Variants in ADH4 observed in about 807,000 individuals in gnomAD.
The protein encoded by ADH4 is all-trans-retinol dehydrogenase [NAD(+)] ADH4.
A neutral mutation model predicts 35.2 loss-of-function variants in ADH4; 31 were observed. That is an observed-to-expected ratio of 0.88 (90% CI 0.66 to 1.19). The LOEUF (loss-of-function observed/expected upper bound fraction) is 1.19, where lower values mean the gene tolerates loss of function less well. Among genes scored for constraint, ADH4 ranks in the 50% most tolerant of loss-of-function variants. The pLI is 0.00. For missense variants in ADH4, 476 were observed against 458.3 expected, an observed-to-expected ratio of 1.04 and a Z score of -0.35; for synonymous variants, 171 against 160.2, an observed-to-expected ratio of 1.07 and a Z score of -0.51.
intron 8 of ADH4, 24 bp downstream of exon 8, chr4:99,126,570 T>C (rs1400498287): frequency 6.4e-7 from 1 of 1,552,852 alleles, no homozygotes; most frequent in Non-Finnish European, 8.8e-7. Context: ...TTTTAAATCA[T>C]TCAGTCATCT....
chr4:99,124,407 C>A lies in ADH4; in HGVS notation c.*35G>T. The A allele has an allele frequency of 6.9e-7, 1 of 1,439,816 alleles. No individual in the cohort carries two copies. Among genetic ancestry groups the A allele is most frequent in the Non-Finnish European group, 9.7e-7 (1 of 1,035,972 alleles). 89.2% of individuals were successfully genotyped at this position (1,439,816 alleles called of 1,614,324 possible). ...TAAATTAACCAGGCAGGTTCACATT[C>A]AATCAGATAGTATTCTGAATTGCTC... On this transcript the variant is annotated 3_prime_UTR_variant, in exon 9 of 9. Coordinates refer to ENST00000265512, the MANE Select transcript of ADH4 (RefSeq NM_000670.5).
At chr4:99,124,997 A>G (rs902903924) in intron 8 of ADH4, among the ~76,000 whole-genome samples, 7 of 152,222 alleles carry the variant, frequency 4.6e-5, no homozygotes, top group African/African-American at 1.7e-4. Flanking sequence ...CCCTGCTATG[A>G]GCAGGGTGCT....
At chr4:99,133,048 T>C (rs924304400) in intron 5 of ADH4, among the ~76,000 whole-genome samples, 1 of 152,162 alleles carries the variant, frequency 6.6e-6, no homozygotes, top group African/African-American at 2.4e-5. Flanking sequence ...AATATATTGC[T>C]CCAGAGTCTC....
intron 6 of ADH4, 72 bp from the exon 7 acceptor site, chr4:99,127,416 A>G: frequency 7.9e-7 from 1 of 1,259,116 alleles, no homozygotes; most frequent in Non-Finnish European, 1.1e-6. Flanking sequence ...GGCAATGTAC[A>G]ATGCTTTAGA....
At chr4:99,127,788 C>T (rs1188064350) in intron 6 of ADH4, among the ~76,000 whole-genome samples, 1 of 150,970 alleles carries the variant, frequency 6.6e-6, no homozygotes, top group Non-Finnish European at 1.5e-5. Context: ...GCCGAGACCA[C>T]ACCACTGCAC....
chr4:99,138,922 A>G, intron 4 of ADH4, 139 bp downstream of exon 4: 2 of 575,596 alleles, frequency 3.5e-6, no homozygotes, highest in Non-Finnish European at 6.1e-6. Context: ...TGCACTTGCA[A>G]TAGTATCTTG....
chr4:99,124,747 A>G (rs1263323747), intron 8 of ADH4, among the ~76,000 whole-genome samples: 4 of 152,108 alleles, frequency 2.6e-5, no homozygotes, highest in Non-Finnish European at 2.9e-5. Context: ...AGAATGTACC[A>G]AGGAGGGAGT....
At chr4:99,125,215 T>C (rs554104398) in intron 8 of ADH4, among the ~76,000 whole-genome samples, 1 of 152,296 alleles carries the variant, frequency 6.6e-6, no homozygotes, top group African/African-American at 2.4e-5. Flanking sequence ...CCTGTGCCCA[T>C]ATGGTGGACA....
At chr4:99,137,683 T>G (rs758950944) in intron 4 of ADH4, among the ~76,000 whole-genome samples, 2 of 152,184 alleles carry the variant, frequency 1.3e-5, no homozygotes, top group Non-Finnish European at 2.9e-5. Context: ...GTAGAAGGAA[T>G]AGCATAATGA....
intron 3 of ADH4, 43 bp from the exon 4 acceptor site, chr4:99,139,191 C>A (rs1265346259): frequency 1.5e-6 from 2 of 1,294,880 alleles, no homozygotes; most frequent in Admixed American, 1.8e-5. Context: ...TAAGGTGTTA[C>A]TTATAGCTTC....
In ADH4 at chr4:99,141,678, A is replaced by G. The variant is rs1373875393; in HGVS notation, c.125T>C (p.Ile42Thr). 4 of 1,613,502 alleles carry G rather than the reference A, an allele frequency of 2.5e-6. No individual in the cohort carries two copies. The highest frequency in any genetic ancestry group is 2.2e-5 in the East Asian group (1 of 44,864). ...ATCAGTATGGCACAGAGAGGTAGCA[A>G]TGATCTACAAGGCAATCACAGACTT... Reference protein sequence around the residue: ...PKAHEVRIQIIATSLCHTDAT... With the variant: ...PKAHEVRIQITATSLCHTDAT... Residue 42 changes from isoleucine (I) to threonine (T), a missense_variant, in exon 3 of 9, where the codon ATT becomes ACT. By Grantham distance (89) the Ile-to-Thr change is moderately conservative. Transcript: ENST00000265512.
intron 6 of ADH4, among the ~76,000 whole-genome samples, chr4:99,129,936 AT>A (rs1729221530): frequency 6.6e-6 from 1 of 152,184 alleles, no homozygotes; most frequent in South Asian, 2.1e-4. Flanking sequence ...CACTTTTCCC[AT>A]CAGGTTTATT....
intron 5 of ADH4, among the ~76,000 whole-genome samples, chr4:99,132,334 C>T (rs549169152): frequency 7.7e-4 from 117 of 152,250 alleles, no homozygotes; most frequent in South Asian, 1.9e-3. Context: ...CCGTAGTTGA[C>T]GCTGCTCCCT....
chr4:99,136,201 A>C (rs1165769019), intron 5 of ADH4, among the ~76,000 whole-genome samples: 1 of 152,202 alleles, frequency 6.6e-6, no homozygotes, highest in East Asian at 1.9e-4. Flanking sequence ...TCTATAACCT[A>C]ATATGTTAGT....
chr4:99,134,994 AAT>A (rs553444107), intron 5 of ADH4, among the ~76,000 whole-genome samples: 438 of 152,210 alleles, frequency 2.9e-3, no homozygotes, highest in Non-Finnish European at 5.3e-3. Context: ...TTCGTTGAAA[AAT>A]TATCAAGCTC....
chr4:99,130,650 A>G (rs1579395252), intron 6 of ADH4, among the ~76,000 whole-genome samples: 1 of 152,294 alleles, frequency 6.6e-6, no homozygotes, highest in East Asian at 1.9e-4. Context: ...AAGTCAGCTT[A>G]ATAATAGAAG....
intron 5 of ADH4, among the ~76,000 whole-genome samples, chr4:99,135,680 G>C (rs1411251202): frequency 6.6e-6 from 1 of 152,198 alleles, no homozygotes; most frequent in Non-Finnish European, 1.5e-5. Context: ...AGTCACTGTA[G>C]CCTACTGAGG....
Position 99,142,686 on chromosome 4 carries a change from C to G in ADH4, c.113G>C (p.Arg38Pro), listed in dbSNP as rs370233244. 3.8e-6 allele frequency: 6 copies of G among 1,569,388 alleles called. No individual in the cohort carries two copies. Among genetic ancestry groups the G allele is most frequent in the Non-Finnish European group, 5.2e-6 (6 of 1,161,994 alleles). Residue 38 changes from arginine (R) to proline (P), a missense_variant, in exon 2 of 9, where the codon CGC becomes CCC. Coordinates refer to ENST00000265512, the MANE Select transcript of ADH4 (RefSeq NM_000670.5). ...EVAPPKAHEVRIQIIATSLCH... is the reference protein window; with the variant it reads ...EVAPPKAHEVPIQIIATSLCH... ...AGGAAAGTCTCCACTTACCTGAATG[C>G]GAACTTCATGAGCCTTGGGGGGAGC...
chr4:99,144,013 C>T (rs1729721708), intron 1 of ADH4, among the ~76,000 whole-genome samples, 192 bp downstream of exon 1: 1 of 152,060 alleles, frequency 6.6e-6, no homozygotes, highest in South Asian at 2.1e-4. Context: ...TAACTGAACA[C>T]CCTTCTAATA....
Sources: gnomAD v4.1 joint callset for allele counts (sites outside exome capture counted in the v4.1 genomes callset) on GRCh38, gnomAD v4.1.1 for gene constraint, MANE v1.5 for transcripts, NCBI Gene and HGNC (gene_info 2026-07-23, HGNC 2026-07-21) for gene names.